The following RICTOR variants were observed in gnomAD, a reference collection of about 807,000 sequenced individuals.
The protein encoded by RICTOR is RPTOR independent companion of MTOR complex 2.
RICTOR carries 49 observed loss-of-function variants against 214.9 expected under a neutral mutation model. That is an observed-to-expected ratio of 0.23 (90% CI 0.18 to 0.29). RICTOR has a LOEUF of 0.29. Ranked by LOEUF, RICTOR falls within the 10% of genes least tolerant of loss-of-function variation. The pLI is 1.00. For missense variants in RICTOR, 1,625 were observed against 2,047.0 expected (o/e 0.79, Z 3.98); for synonymous variants, 717 against 711.3 (o/e 1.01, Z -0.13).
rs541815128 is a variant in RICTOR, at chr5:38,986,528, G to A, written c.583+4421C>T. Among the ~76,000 whole-genome samples the A allele has an allele frequency of 2.8e-4, 42 of 152,090 alleles. No individual in the cohort carries two copies. In the South Asian group the frequency reaches 5.0e-3, roughly 18 times the overall value. On this transcript the variant is annotated intron_variant, in intron 7 of 37. Coordinates refer to ENST00000357387, the MANE Select transcript of RICTOR (RefSeq NM_152756.5). ...TTAAAATTTATAGAATTTTAATGTC[G>A]CATTGAAATTATTTGTTAAATAACA...
intron 16 of RICTOR, 140 bp from the exon 17 acceptor site, chr5:38,963,181 A>G: frequency 1.7e-6 from 1 of 577,830 alleles, no homozygotes; most frequent in Non-Finnish European, 2.9e-6. Context: ...TCAAATTTGG[A>G]GAGACAAATA....
intron 2 of RICTOR, among the ~76,000 whole-genome samples, chr5:39,052,016 A>G (rs1757893377): frequency 6.6e-6 from 1 of 152,202 alleles, no homozygotes; most frequent in Non-Finnish European, 1.5e-5. Flanking sequence ...AGTATGTGGT[A>G]GGATACTCCT....
At chr5:39,018,157 G>A (rs928967550) in intron 3 of RICTOR, among the ~76,000 whole-genome samples, 11 of 152,020 alleles carry the variant, frequency 7.2e-5, no homozygotes, top group African/African-American at 2.7e-4. Context: ...AGCATTACAA[G>A]GCTGAGAAAC....
At chr5:38,983,154 T>TA (rs1338031611) in intron 7 of RICTOR, among the ~76,000 whole-genome samples, 44 of 152,358 alleles carry the variant, frequency 2.9e-4, no homozygotes, top group Admixed American at 2.3e-3. Flanking sequence ...TCTACCCTTA[T>TA]AGATTAGTTG....
At position 38,950,378 on chromosome 5, in the gene RICTOR, A is replaced by G; in HGVS notation, c.3470T>C (p.Leu1157Ser). The G allele has an allele frequency of 6.2e-7, 1 of 1,613,188 alleles. No individual in the cohort carries two copies. Among genetic ancestry groups the G allele is most frequent in the East Asian group, 2.2e-5 (1 of 44,852 alleles). Residue 1157 changes from leucine to serine, a missense_variant, in exon 31 of 38, where the codon TTA becomes TCA. Transcript: ENST00000357387. ...FTPISTVQKT[L>S]QLETSFMGNK... ...CCCCATAAATGAAGTCTCTAATTGTAATGTTTTCTGTACAGTGGATATGGG... is the reference window on the plus strand; with the variant it reads ...CCCCATAAATGAAGTCTCTAATTGTGATGTTTTCTGTACAGTGGATATGGG...
chr5:39,020,348 G>C (rs746150603), intron 3 of RICTOR, among the ~76,000 whole-genome samples: 1 of 152,034 alleles, frequency 6.6e-6, no homozygotes, highest in African/African-American at 2.4e-5. Flanking sequence ...GAGTCAATGC[G>C]GCAAACTTCA....
rs1748056977 is a variant in RICTOR, at chr5:38,945,198, CA to C, written c.4634-131del. 5.6e-6 allele frequency: 4 copies of C among 719,600 alleles called. No homozygotes were observed. In the Middle Eastern group the frequency reaches 1.1e-3, roughly 204 times the overall value. 44.6% of individuals were successfully genotyped at this position (719,600 alleles called of 1,614,324 possible). A position where few individuals can be genotyped will look rare whatever the true frequency, so the allele number is the denominator to read the frequency against. ...TTGTATGCAATATACCAAACACTTC[CA>C]AAACTTTTTTCCTCATAGAAAATGA... On this transcript the variant is annotated intron_variant, in intron 34 of 37. Coordinates refer to ENST00000357387, the MANE Select transcript of RICTOR (RefSeq NM_152756.5).
At chr5:38,978,749 G>T in intron 8 of RICTOR, 99 bp from the exon 9 acceptor site, 3 of 563,474 alleles carry the variant, frequency 5.3e-6, no homozygotes, top group East Asian at 3.1e-5. Context: ...TATCTTTAAT[G>T]GGTTTACTGC....
At chr5:38,987,084 G>A (rs529319848) in intron 7 of RICTOR, among the ~76,000 whole-genome samples, 19 of 152,236 alleles carry the variant, frequency 1.2e-4, no homozygotes, top group Non-Finnish European at 1.9e-4. Context: ...CAACTTGATC[G>A]TGGTGGATAA....
intron 2 of RICTOR, among the ~76,000 whole-genome samples, chr5:39,026,208 T>G (rs999245772): frequency 5.3e-5 from 8 of 152,120 alleles, no homozygotes; most frequent in Non-Finnish European, 8.8e-5. Context: ...CCAGACACAG[T>G]TGCTCACACC....
intron 24 of RICTOR, 118 bp from the exon 25 acceptor site, chr5:38,957,848 G>A (rs1439384728): frequency 1.8e-5 from 10 of 545,892 alleles, no homozygotes; most frequent in South Asian, 8.2e-5. Flanking sequence ...GGAATAGTTC[G>A]TTCCTAAAAC....
At chr5:39,035,258 G>A (rs976023820) in intron 2 of RICTOR, among the ~76,000 whole-genome samples, 2 of 152,132 alleles carry the variant, frequency 1.3e-5, no homozygotes, top group African/African-American at 2.4e-5. Flanking sequence ...TGCAGCTGAG[G>A]GTCCTGACTG....
At position 38,957,641 on chromosome 5, in the gene RICTOR, T is replaced by C; in HGVS notation, c.2499+11A>G. 1.4e-6 allele frequency: 2 copies of C among 1,408,612 alleles called. No individual in the cohort carries two copies. Among genetic ancestry groups the C allele is most frequent in the South Asian group, 2.5e-5 (2 of 81,086 alleles). The allele number at this position is 1,408,612 out of a possible 1,614,324, so 87.3% of individuals were successfully genotyped here. A position where few individuals can be genotyped will look rare whatever the true frequency, so the allele number is the denominator to read the frequency against. On this transcript the variant is annotated intron_variant, in intron 25 of 37. Coordinates refer to ENST00000357387, the MANE Select transcript of RICTOR (RefSeq NM_152756.5). The stretch of plus-strand genomic sequence containing the variant: ...ACACACAAATTCAACTTTATTCAAA[T>C]AAGAAGTTACCCTGTGCCACTTTTC...
At position 38,940,143 on chromosome 5, in the gene RICTOR, CAA is replaced by C. The variant is rs68031684; in HGVS notation, c.*2159_*2160del. 17 of 183,124 alleles carry C rather than the reference CAA, an allele frequency of 9.3e-5. No individual in the cohort carries two copies. The highest frequency in any genetic ancestry group is 1.6e-4 in the East Asian group (2 of 12,822). The allele number at this position is 183,124 out of a possible 1,614,324, so 11.3% of individuals were successfully genotyped here. A position where few individuals can be genotyped will look rare whatever the true frequency, so the allele number is the denominator to read the frequency against. The stretch of plus-strand genomic sequence containing the variant: ...TCAAAGTAACAGTAAAAAAAAAAAA[CAA>C]AAAAAAAAACACAAAACATTCAGGC... On this transcript the variant is annotated 3_prime_UTR_variant, in exon 38 of 38. Transcript: ENST00000357387.
intron 7 of RICTOR, among the ~76,000 whole-genome samples, chr5:38,982,561 T>G (rs975813160): frequency 2.6e-5 from 4 of 152,166 alleles, no homozygotes; most frequent in Non-Finnish European, 5.9e-5. Flanking sequence ...CGGTTTTCAA[T>G]CTGTTAGGAA....
At chr5:39,019,723 C>T (rs1311048752) in intron 3 of RICTOR, among the ~76,000 whole-genome samples, 1 of 152,160 alleles carries the variant, frequency 6.6e-6, no homozygotes, top group African/African-American at 2.4e-5. Context: ...ACACAACATC[C>T]ATTCTGCAGC....
chr5:38,986,068 GCT>G, intron 7 of RICTOR, among the ~76,000 whole-genome samples: 1 of 152,160 alleles, frequency 6.6e-6, no homozygotes, highest in East Asian at 1.9e-4. Context: ...ATTTGGTTTG[GCT>G]CTGTGTCCCC....
intron 3 of RICTOR, among the ~76,000 whole-genome samples, chr5:39,019,677 G>A (rs557826037): frequency 1.3e-5 from 2 of 152,288 alleles, no homozygotes; most frequent in East Asian, 3.9e-4. Flanking sequence ...AGAGTTGACA[G>A]TTACAAGGAG....
At chr5:39,024,239 C>T (rs561371568) in intron 2 of RICTOR, among the ~76,000 whole-genome samples, 49 of 152,198 alleles carry the variant, frequency 3.2e-4, no homozygotes, top group Non-Finnish European at 7.1e-4. Flanking sequence ...CGGTTCCTAG[C>T]AAACCACAGA....
Sources: gnomAD v4.1 joint callset for allele counts (sites outside exome capture counted in the v4.1 genomes callset) on GRCh38, gnomAD v4.1.1 for gene constraint, MANE v1.5 for transcripts, NCBI Gene and HGNC (gene_info 2026-07-23, HGNC 2026-07-21) for gene names.